CIB1: variants seen among roughly 807,000 people sequenced by gnomAD.
The protein encoded by CIB1 is calcium and integrin binding 1, also known as calcium and integrin-binding protein 1.
In CIB1, 19 loss-of-function variants were observed where a neutral mutation model predicts 25.0. That is an observed-to-expected ratio of 0.76 (90% CI 0.53 to 1.12). The LOEUF (loss-of-function observed/expected upper bound fraction) is 1.12. CIB1 is among the 50% of genes most tolerant of loss of function. The pLI is 0.00. For missense variants in CIB1, 236 were observed against 242.6 expected (o/e 0.97, Z 0.18); for synonymous variants, 104 against 98.5 (o/e 1.06, Z -0.33).
chr15:90,256,988 T>C, the CIB1 span: 3 of 768,266 alleles, frequency 3.9e-6, no homozygotes, highest in Middle Eastern at 2.5e-4. Context: ...GCCTGGCCTC[T>C]CCTCATTTAT....
chr15:90,260,613 G>A, the CIB1 span, among the ~76,000 whole-genome samples: 2 of 152,178 alleles, frequency 1.3e-5, no homozygotes, highest in African/African-American at 4.8e-5. Flanking sequence ...AGCCCTTTGG[G>A]AGGCTGAGGT....
chr15:90,253,314 T>G, the CIB1 span: 2 of 1,613,750 alleles, frequency 1.2e-6, no homozygotes, highest in Non-Finnish European at 1.7e-6. Context: ...GACTCTGTAC[T>G]GGACAGACTG....
the CIB1 span, chr15:90,258,849 A>T: frequency 6.2e-7 from 1 of 1,614,132 alleles, no homozygotes; most frequent in Non-Finnish European, 8.5e-7. Context: ...GGCTGTGACA[A>T]AAGGAAGGTG....
chr15:90,256,535 T>C, the CIB1 span, among the ~76,000 whole-genome samples: 1 of 151,348 alleles, frequency 6.6e-6, no homozygotes, highest in African/African-American at 2.4e-5. Flanking sequence ...TGTGCCTCTG[T>C]CTCCTTCCTT....
the CIB1 span, chr15:90,265,680 G>A: frequency 1.9e-6 from 3 of 1,611,906 alleles, no homozygotes; most frequent in Admixed American, 1.7e-5. Flanking sequence ...CTGCTGTTTC[G>A]TAGCCGACTG....
the CIB1 span, chr15:90,258,727 T>G: frequency 6.2e-7 from 1 of 1,612,096 alleles, no homozygotes. Flanking sequence ...GGGTGTATAA[T>G]GACTCCTCCT....
chr15:90,256,583 TTCTTTCTTTC>T, the CIB1 span, among the ~76,000 whole-genome samples: 5 of 36,286 alleles, frequency 1.4e-4, no homozygotes, highest in African/African-American at 5.5e-4. Flanking sequence ...CTTTCTTTCT[TTCTTTCTTTC>T]TTTCTTTCTT....
At chr15:90,258,404 G>A in the CIB1 span, 6 of 780,690 alleles carry the variant, frequency 7.7e-6, no homozygotes, top group South Asian at 9.8e-5. Context: ...GCAGGAATGA[G>A]CAGAAGGCAT....
chr15:90,254,892 A>G, the CIB1 span, among the ~76,000 whole-genome samples: 1 of 152,176 alleles, frequency 6.6e-6, no homozygotes, highest in East Asian at 1.9e-4. Context: ...AATCAGCAGC[A>G]TTTACTGAGG....
At chr15:90,262,418 C>T in the CIB1 span, 3 of 1,391,792 alleles carry the variant, frequency 2.2e-6, no homozygotes, top group Admixed American at 8.8e-5. Context: ...GCTCTTTCCT[C>T]ATCCCCATTT....
At chr15:90,258,820 G>A in the CIB1 span, 3 of 1,614,194 alleles carry the variant, frequency 1.9e-6, no homozygotes, top group Non-Finnish European at 2.5e-6. Context: ...GTGATGCTAT[G>A]ACCCTTGTCA....
At position 90,233,922 on chromosome 15, in the gene CIB1, G is replaced by A. The variant is rs377440979; in HGVS notation, c.-37C>T. 3.5e-5 allele frequency: 51 copies of A among 1,448,296 alleles called. No individual in the cohort carries two copies. In the African/African-American group the frequency reaches 5.4e-4, roughly 15 times the overall value. 89.7% of individuals were successfully genotyped at this position (1,448,296 alleles called of 1,614,324 possible). A position where few individuals can be genotyped will look rare whatever the true frequency, so the allele number is the denominator to read the frequency against. ...GCGCACAGCTCCGCCAACTCGCCTC[G>A]AGACGCAGACAACTTTCTCACTTCC... On this transcript the variant is annotated 5_prime_UTR_variant, in exon 1 of 7. Coordinates refer to ENST00000328649, the MANE Select transcript of CIB1 (RefSeq NM_006384.4).
At chr15:90,254,913 C>A in the CIB1 span, among the ~76,000 whole-genome samples, 1 of 152,208 alleles carries the variant, frequency 6.6e-6, no homozygotes, top group South Asian at 2.1e-4. Context: ...GCTTACTGTA[C>A]AACAGACTCC....
the CIB1 span, chr15:90,242,225 C>G: frequency 6.8e-6 from 3 of 443,302 alleles, no homozygotes; most frequent in Non-Finnish European, 1.2e-5. Context: ...GTAGCTGAGA[C>G]TATAGGCGTG....
the CIB1 span, chr15:90,263,374 C>A: frequency 1.9e-6 from 1 of 516,686 alleles, no homozygotes; most frequent in Admixed American, 3.5e-5. Flanking sequence ...AGCTCCAAAC[C>A]TTCTCATTTA....
At chr15:90,261,843 T>C in the CIB1 span, among the ~76,000 whole-genome samples, 10 of 152,212 alleles carry the variant, frequency 6.6e-5, no homozygotes, top group South Asian at 4.1e-4. Flanking sequence ...GCTACCCACA[T>C]GTGGGGCTAG....
chr15:90,256,696 C>G, the CIB1 span, among the ~76,000 whole-genome samples: 398 of 151,040 alleles, frequency 2.6e-3, 1 homozygote, highest in African/African-American at 8.5e-3. Context: ...CTACCTCTCT[C>G]TCTCTTTCTT....
the CIB1 span, among the ~76,000 whole-genome samples, chr15:90,253,803 C>T: frequency 5.1e-3 from 776 of 152,310 alleles, 4 homozygotes; most frequent in Middle Eastern, 0.027. Context: ...AGGAATGATC[C>T]ACCGGGGTCC....
the CIB1 span, among the ~76,000 whole-genome samples, chr15:90,254,244 C>T: frequency 2.7e-5 from 4 of 149,622 alleles, no homozygotes; most frequent in Admixed American, 2.7e-4. Flanking sequence ...CCTGTAATCC[C>T]AACTCTTTGG....
Sources: allele counts gnomAD v4.1 joint callset (sites outside exome capture counted in the v4.1 genomes callset), GRCh38; gene constraint gnomAD v4.1.1; transcripts MANE v1.5; gene names NCBI Gene and HGNC (gene_info 2026-07-23, HGNC 2026-07-21).